NEBL: variants seen among roughly 807,000 people sequenced by gnomAD.
NEBL encodes LIM and SH3 protein 2.
NEBL carries 122 observed loss-of-function variants against 140.2 expected under a neutral mutation model. That is an observed-to-expected ratio of 0.87 (90% CI 0.75 to 1.01). The LOEUF is 1.01. Ranked by LOEUF, NEBL falls within the 50% of genes least tolerant of loss-of-function variation. The pLI, the probability that NEBL is intolerant of heterozygous loss-of-function variation, is 0.00. For missense variants in NEBL, 1,365 were observed against 1,231.3 expected, an observed-to-expected ratio of 1.11 and a Z score of -1.62; for synonymous variants, 436 against 398.9, an observed-to-expected ratio of 1.09 and a Z score of -1.11.
At position 20,808,678 on chromosome 10, in the gene NEBL, A is replaced by G; in HGVS notation, c.2612-19T>C. Reference sequence around the variant, plus strand: ...GCCTTTTCTATATTGGAGGGAAAATATTTACACGTGTGATTAAGTGACTCG... The same window carrying G: ...GCCTTTTCTATATTGGAGGGAAAATGTTTACACGTGTGATTAAGTGACTCG... On this transcript the variant is annotated intron_variant, in intron 25 of 27. Coordinates refer to ENST00000377122, the MANE Select transcript of NEBL (RefSeq NM_006393.3). 6.2e-7 allele frequency: 1 copy of G among 1,608,068 alleles called. No individual in the cohort carries two copies.
intron 3 of NEBL, among the ~76,000 whole-genome samples, chr10:20,970,885 C>A (rs183878846): frequency 6.6e-6 from 1 of 151,858 alleles, no homozygotes; most frequent in Admixed American, 6.6e-5. Flanking sequence ...AATGCCAAAG[C>A]GAAAAATATC....
chr10:20,948,015 A>C (rs944528833), intron 4 of NEBL, among the ~76,000 whole-genome samples: 11 of 152,226 alleles, frequency 7.2e-5, no homozygotes, highest in Admixed American at 1.3e-4. Flanking sequence ...TAATGTTTTA[A>C]GAAAGTTGAT....
chr10:20,792,459 G>T (rs887492853), intron 26 of NEBL, among the ~76,000 whole-genome samples: 21 of 152,294 alleles, frequency 1.4e-4, no homozygotes, highest in African/African-American at 4.8e-4. Flanking sequence ...GGACTATGCT[G>T]CTAGTTTTGA....
intron 2 of NEBL, among the ~76,000 whole-genome samples, chr10:21,100,111 C>G (rs745409016): frequency 6.6e-6 from 1 of 152,158 alleles, no homozygotes; most frequent in Non-Finnish European, 1.5e-5. Flanking sequence ...CAGTCAAAAA[C>G]TTCCATTTCC....
chr10:20,844,530 T>G (rs1002865176), intron 12 of NEBL, among the ~76,000 whole-genome samples: 1 of 151,140 alleles, frequency 6.6e-6, no homozygotes, highest in Non-Finnish European at 1.5e-5. Context: ...AAAAAAGCTT[T>G]TAAAGGTGGA....
intron 2 of NEBL, among the ~76,000 whole-genome samples, chr10:21,138,109 C>T (rs1256557410): frequency 6.6e-6 from 1 of 151,974 alleles, no homozygotes; most frequent in African/African-American, 2.4e-5. Flanking sequence ...ATCTATAACC[C>T]TAAAGAACAA....
At chr10:20,963,793 GACTA>G (rs1342411436) in intron 3 of NEBL, among the ~76,000 whole-genome samples, 3 of 152,162 alleles carry the variant, frequency 2.0e-5, no homozygotes, top group Non-Finnish European at 4.4e-5. Context: ...CTGGTTGTGT[GACTA>G]ACTTTGAGAA....
intron 2 of NEBL, among the ~76,000 whole-genome samples, chr10:21,039,787 A>G (rs1834186287): frequency 6.6e-6 from 1 of 152,186 alleles, no homozygotes; most frequent in South Asian, 2.1e-4. Flanking sequence ...TTATTCTAAT[A>G]TATTCCTTTT....
chr10:21,234,324 T>A (rs117601602), intron 3 of NEBL, among the ~76,000 whole-genome samples: 2 of 152,194 alleles, frequency 1.3e-5, no homozygotes, highest in East Asian at 3.9e-4. Context: ...CTTGGTGCTA[T>A]CCTATCAGTA....
At chr10:21,125,105 G>A (rs534160397) in intron 2 of NEBL, among the ~76,000 whole-genome samples, 5 of 152,124 alleles carry the variant, frequency 3.3e-5, no homozygotes, top group African/African-American at 7.2e-5. Context: ...GTCCTATGGC[G>A]GCAAAGAAGA....
intron 26 of NEBL, among the ~76,000 whole-genome samples, chr10:20,788,544 A>T (rs1312899740): frequency 3.9e-5 from 6 of 152,154 alleles, no homozygotes; most frequent in Non-Finnish European, 7.4e-5. Flanking sequence ...GATGATAATT[A>T]TATTAGATTG....
At chr10:21,023,509 C>T (rs764103012) in intron 2 of NEBL, among the ~76,000 whole-genome samples, 8 of 152,098 alleles carry the variant, frequency 5.3e-5, no homozygotes, top group Non-Finnish European at 1.0e-4. Context: ...GCCTGGCCAA[C>T]ATGGTGAAAC....
chr10:20,957,886 T>G (rs562210051), intron 4 of NEBL, among the ~76,000 whole-genome samples: 1 of 152,360 alleles, frequency 6.6e-6, no homozygotes, highest in African/African-American at 2.4e-5. Context: ...CTCTTGGGGT[T>G]TGACTTCACC....
chr10:21,282,075 G>C (rs1842999876), intron 1 of NEBL, among the ~76,000 whole-genome samples: 1 of 152,136 alleles, frequency 6.6e-6, no homozygotes, highest in Admixed American at 6.6e-5. Context: ...TGGGATTTGT[G>C]CGTATGTGAG....
At chr10:20,938,384 T>C (rs140510183) in intron 4 of NEBL, among the ~76,000 whole-genome samples, 4,474 of 152,330 alleles carry the variant, frequency 0.029, 117 homozygotes, top group South Asian at 0.12. Context: ...GGGTCCTGAC[T>C]GTTAGAAGGA....
chr10:20,916,511 AC>A (rs1848564669), intron 4 of NEBL, among the ~76,000 whole-genome samples: 1 of 151,652 alleles, frequency 6.6e-6, no homozygotes, highest in African/African-American at 2.4e-5. Context: ...GGCTCAAGAG[AC>A]TCTCCTACCT....
chr10:20,826,814 T>C (rs958642121), intron 17 of NEBL, among the ~76,000 whole-genome samples: 1 of 152,216 alleles, frequency 6.6e-6, no homozygotes, highest in Non-Finnish European at 1.5e-5. Context: ...AGAATACACA[T>C]TGGCAAACCA....
Position 21,112,254 on chromosome 10 carries a change from T to G in NEBL, c.164+60129A>C, listed in dbSNP as rs199827353. 1.1e-3 allele frequency among the ~76,000 whole-genome samples: 170 copies of G among 152,056 alleles called. 2 individuals are homozygous for G. In the East Asian group the frequency reaches 0.014, roughly 12 times the overall value. On this transcript the variant is annotated intron_variant, in intron 2 of 6. Transcript: ENST00000417816. ...CCCATTACTGGGTATATACCCAAAG[T>G]ATTATAAATCATGCTACTACAAAGA...
chr10:21,227,713 T>TTCTTCTTCTTCTTCTTC (rs1842180073), intron 3 of NEBL, among the ~76,000 whole-genome samples: 1 of 63,678 alleles, frequency 1.6e-5, no homozygotes. Flanking sequence ...TCTTCTTCTT[T>TTCTTCTTCTTCTTCTTC]CTTCTTCTTC....
Sources: gnomAD v4.1 joint callset for allele counts (sites outside exome capture counted in the v4.1 genomes callset) on GRCh38, gnomAD v4.1.1 for gene constraint, MANE v1.5 for transcripts, NCBI Gene and HGNC (gene_info 2026-07-23, HGNC 2026-07-21) for gene names.